Variants in HMGCLL1 observed in about 807,000 individuals in gnomAD.
HMGCLL1 encodes 3-hydroxymethyl-3-methylglutaryl-CoA lyase, cytoplasmic.
HMGCLL1 carries 36 observed loss-of-function variants against 39.1 expected under a neutral mutation model. The observed-to-expected ratio is 0.92, with a 90% CI of 0.71 to 1.22. The LOEUF (loss-of-function observed/expected upper bound fraction) is 1.22. Among genes scored for constraint, HMGCLL1 ranks in the 50% most tolerant of loss-of-function variants. The pLI, the probability that HMGCLL1 is intolerant of heterozygous loss-of-function variation, is 0.00. For missense variants in HMGCLL1, 451 were observed against 416.5 expected (o/e 1.08, Z -0.72); for synonymous variants, 149 against 144.0 (o/e 1.03, Z -0.25).
the HMGCLL1 span, among the ~76,000 whole-genome samples, chr6:55,629,951 C>G: frequency 6.6e-6 from 1 of 152,138 alleles, no homozygotes; most frequent in African/African-American, 2.4e-5. Flanking sequence ...AGAAACTCTG[C>G]TAGGGCAGTG....
At chr6:55,446,111 A>G (rs1763818864) in intron 7 of HMGCLL1, among the ~76,000 whole-genome samples, 1 of 151,888 alleles carries the variant, frequency 6.6e-6, no homozygotes, top group African/African-American at 2.4e-5. Flanking sequence ...CACAGAATTT[A>G]GCATTATAAA....
the HMGCLL1 span, among the ~76,000 whole-genome samples, chr6:55,637,450 G>C: frequency 6.6e-6 from 1 of 152,006 alleles, no homozygotes; most frequent in Non-Finnish European, 1.5e-5. Flanking sequence ...GGTCTGTTTT[G>C]GGATTTATTT....
At chr6:55,511,953 T>C (rs941100260) in intron 5 of HMGCLL1, 13 of 152,096 alleles carry the variant, frequency 8.5e-5, no homozygotes, top group African/African-American at 2.9e-4. Context: ...CACTATACTC[T>C]ACTCATTTTG....
intron 7 of HMGCLL1, among the ~76,000 whole-genome samples, chr6:55,472,058 T>C (rs1429490725): frequency 1.3e-5 from 2 of 151,746 alleles, no homozygotes; most frequent in Non-Finnish European, 3.0e-5. Flanking sequence ...ATTACTGATA[T>C]GTATTTGTGT....
At chr6:55,596,530 G>C in the HMGCLL1 span, among the ~76,000 whole-genome samples, 3 of 150,846 alleles carry the variant, frequency 2.0e-5, no homozygotes, top group African/African-American at 5.0e-5. Flanking sequence ...TTAATTATGA[G>C]GTTTCATAAT....
the HMGCLL1 span, among the ~76,000 whole-genome samples, chr6:55,663,895 G>A: frequency 2.0e-5 from 3 of 151,726 alleles, no homozygotes; most frequent in Non-Finnish European, 4.4e-5. Context: ...TTAGTTTCTT[G>A]TTGAATTGAA....
intron 7 of HMGCLL1, among the ~76,000 whole-genome samples, chr6:55,468,555 G>A (rs1764889427): frequency 6.6e-6 from 1 of 151,884 alleles, no homozygotes; most frequent in South Asian, 2.1e-4. Context: ...ACTGTTAGCT[G>A]AGGAATGGAG....
chr6:55,604,558 A>T, the HMGCLL1 span, among the ~76,000 whole-genome samples: 2 of 152,166 alleles, frequency 1.3e-5, no homozygotes, highest in Non-Finnish European at 2.9e-5. Flanking sequence ...AGTATATTAT[A>T]CTAGAGGGAC....
the HMGCLL1 span, among the ~76,000 whole-genome samples, chr6:55,636,991 T>G: frequency 1.3e-5 from 2 of 152,094 alleles, no homozygotes; most frequent in Non-Finnish European, 2.9e-5. Flanking sequence ...AATTACTTCC[T>G]CCACACAATA....
intron 3 of HMGCLL1, among the ~76,000 whole-genome samples, chr6:55,527,698 C>A (rs552013964): frequency 6.6e-6 from 1 of 152,034 alleles, no homozygotes; most frequent in South Asian, 2.1e-4. Flanking sequence ...ACTTTCTTGT[C>A]TATATCATAT....
the HMGCLL1 span, among the ~76,000 whole-genome samples, chr6:55,638,096 T>C: frequency 6.6e-6 from 1 of 151,960 alleles, no homozygotes; most frequent in African/African-American, 2.4e-5. Flanking sequence ...ACTGGCAGAA[T>C]AGGATGGGGA....
chr6:55,587,691 A>C, the HMGCLL1 span, among the ~76,000 whole-genome samples: 2 of 152,242 alleles, frequency 1.3e-5, no homozygotes, highest in Admixed American at 1.3e-4. Flanking sequence ...TAGGCTCAAA[A>C]TAAAGGGACG....
intron 1 of HMGCLL1, among the ~76,000 whole-genome samples, chr6:55,555,339 T>TCAACAA (rs76294675): frequency 1.3e-5 from 2 of 151,690 alleles, no homozygotes; most frequent in African/African-American, 4.8e-5. Context: ...TATCAAAAAG[T>TCAACAA]CAACAACAAC....
At chr6:55,561,750 T>C (rs1222346564) in intron 1 of HMGCLL1, among the ~76,000 whole-genome samples, 2 of 152,194 alleles carry the variant, frequency 1.3e-5, no homozygotes, top group Non-Finnish European at 2.9e-5. Flanking sequence ...CCAATTTTTA[T>C]ATTACTATCC....
intron 1 of HMGCLL1, among the ~76,000 whole-genome samples, chr6:55,547,148 A>C (rs1336960672): frequency 6.6e-6 from 1 of 152,080 alleles, no homozygotes; most frequent in East Asian, 1.9e-4. Flanking sequence ...GTTAAGATTA[A>C]ATACATCACC....
At chr6:55,546,247 A>T (rs2127461692) in intron 1 of HMGCLL1, among the ~76,000 whole-genome samples, 1 of 152,222 alleles carries the variant, frequency 6.6e-6, no homozygotes, top group East Asian at 1.9e-4. Context: ...ATCATCCAAG[A>T]TTCAATTTGT....
intron 7 of HMGCLL1, among the ~76,000 whole-genome samples, chr6:55,455,098 C>T (rs1478310192): frequency 1.3e-5 from 2 of 151,794 alleles, no homozygotes; most frequent in Non-Finnish European, 2.9e-5. Flanking sequence ...CAGAGTGAGA[C>T]CCCCATCTCT....
chr6:55,448,274 TATCATGAAATAGTAAA>T (rs1763939945), intron 7 of HMGCLL1, among the ~76,000 whole-genome samples: 1 of 151,062 alleles, frequency 6.6e-6, no homozygotes, highest in Non-Finnish European at 1.5e-5. Context: ...TAAGATTGGC[TATCATGAAATAGTAAA>T]ATATTTCTGT....
chr6:55,596,895 G>A, the HMGCLL1 span, among the ~76,000 whole-genome samples: 1 of 152,084 alleles, frequency 6.6e-6, no homozygotes, highest in Non-Finnish European at 1.5e-5. Flanking sequence ...ATCAATGAAG[G>A]ATGCTAAAAT....
Sources: gnomAD v4.1 joint callset for allele counts (sites outside exome capture counted in the v4.1 genomes callset) on GRCh38, gnomAD v4.1.1 for gene constraint, MANE v1.5 for transcripts, NCBI Gene and HGNC (gene_info 2026-07-23, HGNC 2026-07-21) for gene names.